AMN1: variants seen among roughly 807,000 people sequenced by gnomAD.
AMN1 encodes antagonist of mitotic exit network 1 homolog.
Under a neutral mutation model 33.0 loss-of-function variants are expected in AMN1, and 20 were observed. That is an observed-to-expected ratio of 0.61 (90% confidence interval 0.43 to 0.88). The LOEUF is 0.88. Among genes scored for constraint, AMN1 ranks in the 40% least tolerant of loss-of-function variants. The pLI, the probability that AMN1 is intolerant of heterozygous loss-of-function variation, is 0.00. For missense variants in AMN1, 246 were observed against 307.4 expected (o/e 0.80, Z 1.49); for synonymous variants, 114 against 111.9 (o/e 1.02, Z -0.12).
chr12:31,694,706 A>ACTGT (rs776608374), intron 5 of AMN1, among the ~76,000 whole-genome samples: 8 of 152,188 alleles, frequency 5.3e-5, no homozygotes, highest in Non-Finnish European at 1.2e-4. Flanking sequence ...TGATTGTGCC[A>ACTGT]CTGTACTCCA....
intron 3 of AMN1, among the ~76,000 whole-genome samples, chr12:31,698,626 TA>T (rs1366509259): frequency 6.6e-6 from 1 of 152,098 alleles, no homozygotes; most frequent in Non-Finnish European, 1.5e-5. Context: ...CCTTTGGTCA[TA>T]AACAAACATG....
At chr12:31,718,667 C>G (rs1016096478) in intron 1 of AMN1, among the ~76,000 whole-genome samples, 21 of 152,308 alleles carry the variant, frequency 1.4e-4, no homozygotes, top group Admixed American at 3.3e-4. Context: ...AACAGACAGG[C>G]CCCTCAGCTG....
chr12:31,722,130 G>GACAC (rs57266162), intron 1 of AMN1, among the ~76,000 whole-genome samples: 5,337 of 143,988 alleles, frequency 0.037, 110 homozygotes, highest in African/African-American at 0.041. Flanking sequence ...TCAGGCCTTT[G>GACAC]ACACACACAC....
intron 5 of AMN1, among the ~76,000 whole-genome samples, chr12:31,691,751 A>G (rs1250889683): frequency 1.3e-5 from 2 of 152,254 alleles, no homozygotes; most frequent in Non-Finnish European, 2.9e-5. Flanking sequence ...GGAAGAAAAA[A>G]AAGAAAAGGT....
chr12:31,702,378 TCTTTA>T (rs1290041299), intron 2 of AMN1, among the ~76,000 whole-genome samples: 1 of 152,196 alleles, frequency 6.6e-6, no homozygotes, highest in African/African-American at 2.4e-5. Context: ...GAAGTATGAG[TCTTTA>T]ATCACTTGTG....
chr12:31,718,126 T>C (rs1196208973), intron 1 of AMN1, among the ~76,000 whole-genome samples: 2 of 152,074 alleles, frequency 1.3e-5, no homozygotes, highest in African/African-American at 4.8e-5. Flanking sequence ...TCATTCCTTT[T>C]TCTCTAATCT....
chr12:31,688,956 A>G (rs890114017), intron 6 of AMN1, 51 bp downstream of exon 6: 1 of 1,215,152 alleles, frequency 8.2e-7, no homozygotes, highest in Non-Finnish European at 1.2e-6. Flanking sequence ...TCAAGGTCAC[A>G]CAGTAAAAGA....
intron 6 of AMN1, among the ~76,000 whole-genome samples, chr12:31,681,542 TTAA>T (rs1239997775): frequency 6.6e-6 from 1 of 151,862 alleles, no homozygotes; most frequent in Non-Finnish European, 1.5e-5. Flanking sequence ...TGCATTATTA[TTAA>T]TATTAGATCT....
At chr12:31,684,720 C>T (rs11051531) in intron 6 of AMN1, among the ~76,000 whole-genome samples, 8,147 of 152,230 alleles carry the variant, frequency 0.054, 479 homozygotes, top group East Asian at 0.18. Flanking sequence ...ATCCACCTGC[C>T]TTGGCCTCGC....
intron 6 of AMN1, among the ~76,000 whole-genome samples, chr12:31,684,378 TA>T (rs1431030674): frequency 1.3e-5 from 2 of 152,050 alleles, no homozygotes; most frequent in Non-Finnish European, 2.9e-5. Flanking sequence ...TTACGATTTT[TA>T]AAAAATGAAT....
intron 1 of AMN1, among the ~76,000 whole-genome samples, chr12:31,725,950 C>T (rs1940047138): frequency 2.0e-5 from 3 of 152,108 alleles, no homozygotes; most frequent in Admixed American, 6.5e-5. Flanking sequence ...TCACCTGCCT[C>T]GGCCTCCCAA....
At chr12:31,695,661 A>G (rs1439733540) in intron 5 of AMN1, among the ~76,000 whole-genome samples, 2 of 151,384 alleles carry the variant, frequency 1.3e-5, no homozygotes, top group Non-Finnish European at 2.9e-5. Context: ...AATTTTTTGT[A>G]TTTTTAGTAG....
At chr12:31,728,822 G>C in intron 1 of AMN1, 149 bp downstream of exon 1, 1 of 916,250 alleles carries the variant, frequency 1.1e-6, no homozygotes, top group Non-Finnish European at 1.6e-6. Context: ...CGACAGATCA[G>C]GAACCCAGGG....
intron 1 of AMN1, among the ~76,000 whole-genome samples, chr12:31,711,813 T>C (rs1011543088): frequency 2.6e-5 from 4 of 152,212 alleles, no homozygotes; most frequent in Non-Finnish European, 4.4e-5. Context: ...CACTATTTTT[T>C]ATTTGTGTAT....
intron 6 of AMN1, among the ~76,000 whole-genome samples, chr12:31,681,127 T>C (rs1937990820): frequency 1.3e-5 from 2 of 152,208 alleles, no homozygotes; most frequent in South Asian, 4.1e-4. Flanking sequence ...TTCTCTTTAG[T>C]TTATTAATAA....
At chr12:31,689,288 A>C (rs1938402462) in intron 5 of AMN1, among the ~76,000 whole-genome samples, 170 bp from the exon 6 acceptor site, 1 of 152,250 alleles carries the variant, frequency 6.6e-6, no homozygotes, top group African/African-American at 2.4e-5. Flanking sequence ...GGAGCAGCTT[A>C]AAAAGTTAAA....
intron 6 of AMN1, 118 bp from the exon 7 acceptor site, chr12:31,672,495 T>C: frequency 1.3e-6 from 1 of 751,172 alleles, no homozygotes; most frequent in South Asian, 1.6e-5. Flanking sequence ...TTAAAGGAGG[T>C]GATCTATAAA....
Position 31,687,095 on chromosome 12 carries a change from C to T in AMN1, c.703+1912G>A, listed in dbSNP as rs948049968. ...GGGTGATCATGGCTCACTGCAGCTT[C>T]GACCTCCCAGGCTTAAGTGATCCAC... is the stretch of plus-strand genomic sequence containing the variant. On this transcript the variant is annotated intron_variant, in intron 6 of 6. Transcript: ENST00000281471. This position sits in a 1 kb window ranked among gnomAD's most constrained non-coding sequence, Gnocchi z 4.1. Among the ~76,000 whole-genome samples the T allele has an allele frequency of 1.3e-5, 2 of 152,008 alleles. No homozygotes were observed.
chr12:31,713,224 ATATG>A (rs1305325255), intron 1 of AMN1, among the ~76,000 whole-genome samples: 1 of 152,128 alleles, frequency 6.6e-6, no homozygotes, highest in Admixed American at 6.5e-5. Flanking sequence ...TGTTATATAT[ATATG>A]TATGTATAAG....
Sources: gnomAD v4.1 joint callset for allele counts (sites outside exome capture counted in the v4.1 genomes callset) on GRCh38, gnomAD v4.1.1 for gene constraint, Gnocchi (gnomAD v3.1) non-coding constraint, MANE v1.5 for transcripts, NCBI Gene and HGNC (gene_info 2026-07-23, HGNC 2026-07-21) for gene names.